Variants in DERPC observed in about 807,000 individuals in gnomAD.
The protein encoded by DERPC is decreased expression in renal and prostate cancer protein.
A neutral mutation model predicts 7.2 loss-of-function variants in DERPC; 1 was observed. The observed-to-expected ratio is 0.14, with a 90% CI of 0.05 to 0.66. The LOEUF is 0.66. Among genes scored for constraint, DERPC ranks in the 30% least tolerant of loss-of-function variants. DERPC has a pLI of 0.84. For missense variants in DERPC, 502 were observed against 299.4 expected (o/e 1.68, Z -4.99); for synonymous variants, 185 against 117.6 (o/e 1.57, Z -3.71).
intron 1 of DERPC, 42 bp from the exon 2 acceptor site, chr16:69,121,535 A>G: frequency 2.4e-6 from 3 of 1,269,420 alleles, no homozygotes; most frequent in Non-Finnish European, 3.4e-6. Context: ...TAACAACAAC[A>G]ACTAATAATG....
At chr16:69,126,964 A>AG (rs1277640466) in intron 1 of DERPC, among the ~76,000 whole-genome samples, 1 of 152,120 alleles carries the variant, frequency 6.6e-6, no homozygotes, top group Non-Finnish European at 1.5e-5. Context: ...AAAGTGTATG[A>AG]GGCCGGGCGC....
rs376376214 is a variant in DERPC, at chr16:69,118,478, G to T, written c.*376C>A. ...AGAGCAGTGAGCTGATTCTCCAATGGTGAGCAGGGGACTACATGTGAACTG... is the reference window on the plus strand; with the variant it reads ...AGAGCAGTGAGCTGATTCTCCAATGTTGAGCAGGGGACTACATGTGAACTG... On this transcript the variant is annotated 3_prime_UTR_variant, in exon 3 of 3. Transcript: ENST00000519520. 8.3e-6 allele frequency: 12 copies of T among 1,450,582 alleles called. No individual in the cohort carries two copies. In the South Asian group the frequency reaches 1.3e-4, roughly 15 times the overall value. 89.9% of individuals were successfully genotyped at this position (1,450,582 alleles called of 1,614,324 possible).
At chr16:69,128,725 T>TAA (rs1962271287) in intron 1 of DERPC, among the ~76,000 whole-genome samples, 1 of 152,156 alleles carries the variant, frequency 6.6e-6, no homozygotes, top group Non-Finnish European at 1.5e-5. Context: ...ATACCTTATT[T>TAA]AACCAGCATT....
In DERPC at chr16:69,120,825, C is replaced by T; in HGVS notation, c.-221-176G>A. On this transcript the variant is annotated intron_variant, in intron 2 of 2. Coordinates refer to ENST00000519520, the MANE Select transcript of DERPC (RefSeq NM_001002847.4). The surrounding 1 kb of genome is among the most constrained non-coding windows in gnomAD (Gnocchi z 4.0). Reference sequence around the variant, plus strand: ...CCCATGTGCCCTTTTTACTTTCTAGCCCCACATAGGAGAATTTCCACTTTC... The same window carrying T: ...CCCATGTGCCCTTTTTACTTTCTAGTCCCACATAGGAGAATTTCCACTTTC... The T allele has an allele frequency of 1.4e-6, 1 of 730,112 alleles. No homozygotes were observed. Among genetic ancestry groups the T allele is most frequent in the Non-Finnish European group, 2.4e-6 (1 of 415,290 alleles). 45.2% of individuals were successfully genotyped at this position (730,112 alleles called of 1,614,324 possible).
intron 1 of DERPC, among the ~76,000 whole-genome samples, chr16:69,130,486 CTT>C (rs1240747206): frequency 6.6e-6 from 1 of 152,108 alleles, no homozygotes; most frequent in Non-Finnish European, 1.5e-5. Context: ...AGGGTGGATA[CTT>C]TGTTTACGAA....
chr16:69,120,433 T>G lies in DERPC; in HGVS notation c.-5A>C. 3.7e-6 allele frequency: 6 copies of G among 1,614,090 alleles called. No homozygotes were observed. Among genetic ancestry groups the G allele is most frequent in the Non-Finnish European group, 5.1e-6 (6 of 1,179,994 alleles). ...GAAAATCCGAGGTTCTTTCATACTT[T>G]CTTGGGGACGCTGGTGATAATGGGC... On this transcript the variant is annotated 5_prime_UTR_variant, in exon 3 of 3. Transcript: ENST00000519520. This position sits in a 1 kb window ranked among gnomAD's most constrained non-coding sequence, Gnocchi z 4.0.
intron 1 of DERPC, among the ~76,000 whole-genome samples, chr16:69,131,711 G>A (rs1237525186): frequency 6.7e-6 from 1 of 150,308 alleles, no homozygotes; most frequent in East Asian, 2.0e-4. Context: ...CACTGGAGTG[G>A]TCTTCCAAAC....
At position 69,120,682 on chromosome 16, in the gene DERPC, T is replaced by C; in HGVS notation, c.-221-33A>G. 6.3e-7 allele frequency: 1 copy of C among 1,582,594 alleles called. No individual in the cohort carries two copies. Among genetic ancestry groups the C allele is most frequent in the South Asian group, 1.1e-5 (1 of 88,580 alleles). On this transcript the variant is annotated intron_variant, in intron 2 of 2. Transcript: ENST00000519520. This position sits in a 1 kb window ranked among gnomAD's most constrained non-coding sequence, Gnocchi z 4.0. ...AGAACAAGAACGAGATTCCTGAGGT[T>C]CCGGGGCAAGGCCATAACACTCAGG...
At chr16:69,132,302 C>T (rs1245061067) in intron 1 of DERPC, among the ~76,000 whole-genome samples, 182 bp downstream of exon 1, 2 of 143,934 alleles carry the variant, frequency 1.4e-5, no homozygotes, top group Admixed American at 6.8e-5. Context: ...CCGCCCTCCC[C>T]CTTCCCGGCC....
Position 69,118,535 on chromosome 16 carries a change from A to C in DERPC, c.*319T>G. Reference sequence around the variant, plus strand: ...GCAGGCCAATGTATCCCTGAGGAAAAGTCCACAAGAACAATTCAAGAAACT... The same window carrying C: ...GCAGGCCAATGTATCCCTGAGGAAACGTCCACAAGAACAATTCAAGAAACT... On this transcript the variant is annotated 3_prime_UTR_variant, in exon 3 of 3. Coordinates refer to ENST00000519520, the MANE Select transcript of DERPC (RefSeq NM_001002847.4). 1 of 907,022 alleles carries C rather than the reference A, an allele frequency of 1.1e-6. No individual in the cohort carries two copies. Among genetic ancestry groups the C allele is most frequent in the Non-Finnish European group, 1.9e-6 (1 of 539,052 alleles). The allele number at this position is 907,022 out of a possible 1,614,324, so 56.2% of individuals were successfully genotyped here. A position where few individuals can be genotyped will look rare whatever the true frequency, so the allele number is the denominator to read the frequency against.
intron 1 of DERPC, among the ~76,000 whole-genome samples, chr16:69,125,226 C>T (rs1477066414): frequency 6.6e-6 from 1 of 152,102 alleles, no homozygotes; most frequent in Admixed American, 6.5e-5. Flanking sequence ...TTTTTAAATT[C>T]AAATATAAGT....
At chr16:69,124,523 A>T (rs1319750704) in intron 1 of DERPC, among the ~76,000 whole-genome samples, 4 of 151,646 alleles carry the variant, frequency 2.6e-5, no homozygotes, top group African/African-American at 9.7e-5. Context: ...TTCCAGCTTC[A>T]AGTGATTCTC....
intron 2 of DERPC, 118 bp downstream of exon 2, chr16:69,121,318 C>G: frequency 8.2e-7 from 1 of 1,213,944 alleles, no homozygotes; most frequent in Non-Finnish European, 1.2e-6. Flanking sequence ...AACTAGAGAT[C>G]AGAATGCAAG....
chr16:69,121,185 C>G (rs1452533542), intron 2 of DERPC: 2 of 1,606,434 alleles, frequency 1.2e-6, no homozygotes, highest in East Asian at 4.5e-5. Context: ...AAGCAAAGGG[C>G]TGGCGGTTAC....
intron 1 of DERPC, among the ~76,000 whole-genome samples, chr16:69,127,651 C>G (rs1269769103): frequency 6.8e-6 from 1 of 146,296 alleles, no homozygotes; most frequent in East Asian, 2.0e-4. Context: ...CCTCTGTTGC[C>G]CAGGCTGGAG....
chr16:69,132,030 G>T (rs1339140112), intron 1 of DERPC: 1 of 152,680 alleles, frequency 6.5e-6, no homozygotes, highest in African/African-American at 2.4e-5. Context: ...CTCCGCTCCC[G>T]CAAGCATAGC....
In DERPC at chr16:69,120,700, C is replaced by T. The variant is rs934473496; in HGVS notation, c.-221-51G>A. The T allele has an allele frequency of 2.7e-6, 4 of 1,493,248 alleles. No homozygotes were observed. The South Asian group carries it at 4.8e-5, about 18-fold the overall frequency. 92.5% of individuals were successfully genotyped at this position (1,493,248 alleles called of 1,614,324 possible). On this transcript the variant is annotated intron_variant, in intron 2 of 2. Coordinates refer to ENST00000519520, the MANE Select transcript of DERPC (RefSeq NM_001002847.4). The surrounding 1 kb of genome is among the most constrained non-coding windows in gnomAD (Gnocchi z 4.0). ...CTGAGGTTCCGGGGCAAGGCCATAA[C>T]ACTCAGGCGCCTCCTAAAGCTGCTC...
chr16:69,122,794 G>C (rs1961776915), intron 1 of DERPC, among the ~76,000 whole-genome samples: 1 of 151,520 alleles, frequency 6.6e-6, no homozygotes, highest in Non-Finnish European at 1.5e-5. Context: ...CACCCACTTT[G>C]GCCTCCCAAA....
chr16:69,129,987 T>G (rs1259036768), intron 1 of DERPC, among the ~76,000 whole-genome samples: 2 of 152,264 alleles, frequency 1.3e-5, no homozygotes, highest in African/African-American at 4.8e-5. Context: ...CTTTACCCTC[T>G]GCTCCTGAAT....
Sources: allele counts gnomAD v4.1 joint callset (sites outside exome capture counted in the v4.1 genomes callset), GRCh38; gene constraint gnomAD v4.1.1; non-coding constraint Gnocchi (gnomAD v3.1); transcripts MANE v1.5; gene names NCBI Gene and HGNC (gene_info 2026-07-23, HGNC 2026-07-21).